Variants in LNPEP observed in about 807,000 individuals in gnomAD.
LNPEP encodes the protein leucyl and cystinyl aminopeptidase.
A neutral mutation model predicts 120.6 loss-of-function variants in LNPEP; 64 were observed. That is an observed-to-expected ratio of 0.53 (90% CI 0.43 to 0.65). The LOEUF (loss-of-function observed/expected upper bound fraction) is 0.65. Among genes scored for constraint, LNPEP ranks in the 30% least tolerant of loss-of-function variants. The probability of loss-of-function intolerance (pLI) is 0.00; values close to 1 mark genes in which losing one functional copy is unlikely to be tolerated. For synonymous variants in LNPEP, 435 were observed against 425.4 expected, an observed-to-expected ratio of 1.02 and a Z score of -0.28; for missense variants, 1,057 against 1,200.0, an observed-to-expected ratio of 0.88 and a Z score of 1.76.
intron 9 of LNPEP, 119 bp downstream of exon 9, chr5:97,003,665 G>A: frequency 1.8e-6 from 1 of 557,266 alleles, no homozygotes. Flanking sequence ...ATTTAAGAAA[G>A]GGGGGGATGG....
intron 2 of LNPEP, among the ~76,000 whole-genome samples, chr5:96,980,811 A>G (rs1013000486): frequency 1.6e-4 from 24 of 152,240 alleles, no homozygotes; most frequent in African/African-American, 5.5e-4. Flanking sequence ...GTATGTTGAC[A>G]TATTAAGAGA....
chr5:97,027,873 G>A (rs1471717438), intron 17 of LNPEP, 59 bp downstream of exon 17: 3 of 1,010,264 alleles, frequency 3.0e-6, no homozygotes, highest in East Asian at 4.8e-5. Context: ...CCCGGACCAG[G>A]CTGCTCAGTT....
intron 8 of LNPEP, among the ~76,000 whole-genome samples, chr5:97,001,931 G>A (rs1790662761): frequency 6.6e-6 from 1 of 152,154 alleles, no homozygotes; most frequent in South Asian, 2.1e-4. Flanking sequence ...CCTGAGGTCA[G>A]CAGTTCAAGA....
chr5:96,955,464 A>C (rs768966577), intron 1 of LNPEP, among the ~76,000 whole-genome samples: 23 of 152,114 alleles, frequency 1.5e-4, no homozygotes, highest in Non-Finnish European at 2.6e-4. Context: ...AAAATACAAA[A>C]ATTAGCTGGA....
At chr5:97,012,742 T>G (rs1389566636) in intron 11 of LNPEP, among the ~76,000 whole-genome samples, 2 of 152,184 alleles carry the variant, frequency 1.3e-5, no homozygotes, top group Non-Finnish European at 2.9e-5. Flanking sequence ...TTGTGGTCAG[T>G]TAACTCTCAG....
Position 96,936,149 on chromosome 5 carries a change from G to C in LNPEP, c.-7G>C, listed in dbSNP as rs1427214611. ...CTCCGGCTGTAAGGAGCCGCGGCGG[G>C]GGGAAAATGGAGCCCTTCACCAATG... On this transcript the variant is annotated 5_prime_UTR_variant, in exon 1 of 18. Coordinates refer to ENST00000231368, the MANE Select transcript of LNPEP (RefSeq NM_005575.3). The C allele has an allele frequency of 6.7e-7, 1 of 1,503,658 alleles. No homozygotes were observed. The highest frequency in any genetic ancestry group is 1.5e-5 in the African/African-American group (1 of 68,884). The allele number at this position is 1,503,658 out of a possible 1,614,324, so 93.1% of individuals were successfully genotyped here.
Position 96,979,294 on chromosome 5 carries a change from G to A in LNPEP, c.176G>A (p.Gly59Asp), listed in dbSNP as rs1283569517. The A allele has an allele frequency of 8.7e-6, 14 of 1,613,922 alleles. No individual in the cohort carries two copies. Among genetic ancestry groups the A allele is most frequent in the Admixed American group, 5.0e-5 (3 of 59,980 alleles). ...TCCCGACTGCTGGTGCGGGGTCTTG[G>A]TGAGCATGAGATGGAGGAGGATGAA... is the stretch of plus-strand genomic sequence containing the variant. ...RGSRLLVRGLGEHEMEEDEED... is the reference protein window; with the variant it reads ...RGSRLLVRGLDEHEMEEDEED... The change falls in exon 2 of 18, where the codon GGT (glycine) becomes GAT (aspartate). Residue 59 changes from glycine (G) to aspartate (D), a missense_variant. By Grantham distance (94) the Gly-to-Asp change is moderately conservative. Coordinates refer to ENST00000231368, the MANE Select transcript of LNPEP (RefSeq NM_005575.3).
At chr5:96,968,458 G>A (rs943949382) in intron 1 of LNPEP, among the ~76,000 whole-genome samples, 1 of 152,020 alleles carries the variant, frequency 6.6e-6, no homozygotes, top group Non-Finnish European at 1.5e-5. Flanking sequence ...GGGGGAAAGT[G>A]AATATAATAA....
chr5:96,999,851 T>C (rs914419391), intron 8 of LNPEP, among the ~76,000 whole-genome samples: 7 of 151,756 alleles, frequency 4.6e-5, no homozygotes, highest in African/African-American at 1.7e-4. Flanking sequence ...AGATAACTTA[T>C]CAGTATTGTG....
intron 4 of LNPEP, among the ~76,000 whole-genome samples, chr5:96,991,314 T>C (rs1197539172): frequency 6.6e-6 from 1 of 152,174 alleles, no homozygotes; most frequent in Non-Finnish European, 1.5e-5. Flanking sequence ...CACTCATTGA[T>C]CAATCCCAGT....
intron 1 of LNPEP, among the ~76,000 whole-genome samples, chr5:96,945,062 C>G (rs75025405): frequency 6.6e-6 from 1 of 151,814 alleles, no homozygotes; most frequent in Non-Finnish European, 1.5e-5. Flanking sequence ...CTTATCAGAA[C>G]GTAAAATGTG....
At position 97,015,072 on chromosome 5, in the gene LNPEP, A is replaced by T; in HGVS notation, c.2353A>T (p.Met785Leu). Residue 785 changes from methionine (M) to leucine (L), a missense_variant, in exon 13 of 18, where the codon ATG becomes TTG. By Grantham distance (15) the Met-to-Leu change is conservative (BLOSUM62 2). Coordinates refer to ENST00000231368, the MANE Select transcript of LNPEP (RefSeq NM_005575.3). ...IYNLLEKLGY[M>L]DLASRLVTRV... ...TAACCTCCTTGAAAAACTGGGATAC[A>T]TGGATCTGGCCTCAAGACTGGTGGT... 1.3e-6 allele frequency: 2 copies of T among 1,590,304 alleles called. No individual in the cohort carries two copies. Among genetic ancestry groups the T allele is most frequent in the Non-Finnish European group, 1.7e-6 (2 of 1,169,450 alleles).
intron 14 of LNPEP, among the ~76,000 whole-genome samples, chr5:97,023,982 G>A (rs746237434): frequency 6.6e-6 from 1 of 152,080 alleles, no homozygotes; most frequent in Non-Finnish European, 1.5e-5. Context: ...AAAGCTTTTG[G>A]GGGTAATTAG....
intron 1 of LNPEP, among the ~76,000 whole-genome samples, chr5:96,949,294 AGCGTTACCGCCTGG>A (rs772459387): frequency 1.3e-5 from 2 of 152,226 alleles, no homozygotes; most frequent in Non-Finnish European, 2.9e-5. Context: ...TGGGCAAGTG[AGCGTTACCGCCTGG>A]GCGCCTCTCC....
intron 1 of LNPEP, among the ~76,000 whole-genome samples, chr5:96,944,094 C>T (rs1029988937): frequency 1.3e-5 from 2 of 152,156 alleles, no homozygotes; most frequent in Admixed American, 6.5e-5. Flanking sequence ...GAGCATTTCC[C>T]GGACAACTGA....
intron 1 of LNPEP, among the ~76,000 whole-genome samples, chr5:96,949,689 A>G (rs1293730968): frequency 1.3e-5 from 2 of 152,232 alleles, no homozygotes; most frequent in Non-Finnish European, 2.9e-5. Context: ...AATAGGTTCT[A>G]TTTGTTCAGC....
At chr5:96,984,637 A>G (rs1790200230) in intron 2 of LNPEP, among the ~76,000 whole-genome samples, 1 of 152,194 alleles carries the variant, frequency 6.6e-6, no homozygotes, top group Non-Finnish European at 1.5e-5. Context: ...GCCTTTGTAT[A>G]AGGGCACTGG....
chr5:97,019,682 T>TG (rs1791145281), intron 13 of LNPEP, among the ~76,000 whole-genome samples: 1 of 152,208 alleles, frequency 6.6e-6, no homozygotes, highest in Non-Finnish European at 1.5e-5. Flanking sequence ...TTGCTGCCTT[T>TG]GTGTTTTAGT....
intron 11 of LNPEP, chr5:97,010,289 G>T: frequency 1.0e-6 from 1 of 972,284 alleles, no homozygotes; most frequent in Non-Finnish European, 1.2e-6. Flanking sequence ...AAACATTCAT[G>T]TTTCCAAATG....
Sources: gnomAD v4.1 joint callset for allele counts (sites outside exome capture counted in the v4.1 genomes callset) on GRCh38, gnomAD v4.1.1 for gene constraint, MANE v1.5 for transcripts, NCBI Gene and HGNC (gene_info 2026-07-23, HGNC 2026-07-21) for gene names.